HCN2: variants seen among roughly 807,000 people sequenced by gnomAD.
The protein encoded by HCN2 is hyperpolarization activated cyclic nucleotide gated potassium and sodium channel 2, also known as potassium/sodium hyperpolarization-activated cyclic nucleotide-gated channel 2.
A neutral mutation model predicts 52.3 loss-of-function variants in HCN2; 20 were observed. That is an observed-to-expected ratio of 0.38 (90% CI 0.27 to 0.56). HCN2 has a LOEUF of 0.56. Ranked by LOEUF, HCN2 falls within the 20% of genes least tolerant of loss-of-function variation. The pLI is 0.71. For synonymous variants in HCN2, 694 were observed against 537.0 expected, an observed-to-expected ratio of 1.29 and a Z score of -4.04; for missense variants, 981 against 1,207.7, an observed-to-expected ratio of 0.81 and a Z score of 2.78.
intron 5 of HCN2, among the ~76,000 whole-genome samples, chr19:612,070 A>G (rs1221648499): frequency 6.6e-6 from 1 of 152,000 alleles, no homozygotes; most frequent in Non-Finnish European, 1.5e-5. Context: ...GCTTGAACCC[A>G]GGAGGCGGCG....
At chr19:609,418 C>T (rs1202534216) in intron 4 of HCN2, among the ~76,000 whole-genome samples, 1 of 152,220 alleles carries the variant, frequency 6.6e-6, no homozygotes, top group Non-Finnish European at 1.5e-5. Context: ...TGGGGCCTCT[C>T]CTCGTAGAGT....
At chr19:599,805 GAACT>G (rs1983146422) in intron 1 of HCN2, among the ~76,000 whole-genome samples, 1 of 149,488 alleles carries the variant, frequency 6.7e-6, no homozygotes. Context: ...AAAACCTCAA[GAACT>G]AAGAAGGCTG....
chr19:595,326 C>T (rs1393379843), intron 1 of HCN2, among the ~76,000 whole-genome samples: 6 of 151,298 alleles, frequency 4.0e-5, no homozygotes, highest in African/African-American at 9.7e-5. Context: ...GTGCGCTGGC[C>T]GCCTCTCTCC....
At position 589,890 on chromosome 19, in the gene HCN2, TCCGG is replaced by T; in HGVS notation, c.-50_-47del. On this transcript the variant is annotated 5_prime_UTR_variant, in exon 1 of 8. Coordinates refer to ENST00000251287, the MANE Select transcript of HCN2 (RefSeq NM_001194.4). Reference sequence around the variant, plus strand: ...CCCCCGCCTCCCCCCTCCCTCGGGCTCCGGCCGGCGGCGGCGGCGGCGGCTCCGC... The same window carrying T: ...CCCCCGCCTCCCCCCTCCCTCGGGCTCCGGCGGCGGCGGCGGCGGCTCCGC... 4.9e-6 allele frequency: 3 copies of T among 615,864 alleles called. No homozygotes were observed. Among genetic ancestry groups the T allele is most frequent in the South Asian group, 7.6e-5 (1 of 13,194 alleles). 38.1% of individuals were successfully genotyped at this position (615,864 alleles called of 1,614,324 possible). A position where few individuals can be genotyped will look rare whatever the true frequency, so the allele number is the denominator to read the frequency against.
intron 3 of HCN2, among the ~76,000 whole-genome samples, chr19:607,497 C>G (rs541777757): frequency 1.3e-5 from 2 of 152,374 alleles, no homozygotes; most frequent in South Asian, 4.1e-4. Context: ...GCCACCCGCA[C>G]ATGCGGTCCC....
rs368522498 is a variant in HCN2 at position 617,069 on chromosome 19, G to A, written c.*595G>A. 1.2e-3 allele frequency: 671 copies of A among 581,488 alleles called. 1 individual carries two copies. In the African/African-American group the frequency reaches 0.012, roughly 10 times the overall value. 36.0% of individuals were successfully genotyped at this position (581,488 alleles called of 1,614,324 possible). A position where few individuals can be genotyped will look rare whatever the true frequency, so the allele number is the denominator to read the frequency against. On this transcript the variant is annotated 3_prime_UTR_variant, in exon 8 of 8. Coordinates refer to ENST00000251287, the MANE Select transcript of HCN2 (RefSeq NM_001194.4). ...GCCGCCGTGATGAATGTACTGACGA[G>A]CCGAGGCAGCAGTGCCCCCACCGTG... is the stretch of plus-strand genomic sequence containing the variant.
Position 613,032 on chromosome 19 carries a change from C to G in HCN2, c.1585-216C>G, listed in dbSNP as rs1983712552. 2.6e-5 allele frequency among the ~76,000 whole-genome samples: 4 copies of G among 152,220 alleles called. No homozygotes were observed. The South Asian group carries it at 8.3e-4, about 31-fold the overall frequency. On this transcript the variant is annotated intron_variant, in intron 5 of 7. Transcript: ENST00000251287. ...GCCCCTCCTGGTCCGATTGTATTGG[C>G]AGATGTCGCCAATACGGTGTCAAAC...
chr19:616,295 G>GC lies in HCN2; in HGVS notation c.2496dup (p.Gly833ArgfsTer?). ...CTCGCAGCCCTCGCTGCCTCACGGC[G>GC]CCCCCGGCCCCGCGGCCTCCACACG... is the stretch of plus-strand genomic sequence containing the variant. On this transcript the variant is annotated frameshift_variant, in exon 8 of 8. Transcript: ENST00000251287. LOFTEE classifies it low-confidence loss of function (END_TRUNC). 4 of 1,085,044 alleles carry GC rather than the reference G, an allele frequency of 3.7e-6. No individual in the cohort carries two copies. The highest frequency in any genetic ancestry group is 7.8e-5 in the East Asian group (1 of 12,804). 67.2% of individuals were successfully genotyped at this position (1,085,044 alleles called of 1,614,324 possible). A position where few individuals can be genotyped will look rare whatever the true frequency, so the allele number is the denominator to read the frequency against.
chr19:612,729 TTTTC>T, intron 5 of HCN2, among the ~76,000 whole-genome samples: 1 of 121,794 alleles, frequency 8.2e-6, no homozygotes. Context: ...TTTTCCCCCA[TTTTC>T]TTTTTTTTTT....
In HCN2 at chr19:613,403, G is replaced by A; in HGVS notation, c.1740G>A (p.Lys580=). The change falls in exon 6 of 8, where the codon AAG becomes AAA. Residue 580 remains lysine, a synonymous_variant. Transcript: ENST00000251287. ...TCCGCGAAGGCACCATCGGGAAGAA[G>A]ATGTACTTCATCCAGCACGGCGTGG... The part of the protein sequence containing the change: ...YIIREGTIGK[K]MYFIQHGVVS... 3 of 1,612,750 alleles carry A rather than the reference G, an allele frequency of 1.9e-6. No homozygotes were observed. The highest frequency in any genetic ancestry group is 1.1e-5 in the South Asian group (1 of 91,038).
At chr19:612,144 CAA>C (rs911099931) in intron 5 of HCN2, among the ~76,000 whole-genome samples, 3 of 135,698 alleles carry the variant, frequency 2.2e-5, no homozygotes, top group Admixed American at 7.5e-5. Flanking sequence ...GACTCCGTCT[CAA>C]AAAAAAAAAA....
intron 7 of HCN2, among the ~76,000 whole-genome samples, chr19:614,690 G>T (rs568605993): frequency 6.6e-6 from 1 of 152,078 alleles, no homozygotes; most frequent in Non-Finnish European, 1.5e-5. Flanking sequence ...GGCAGGGAGA[G>T]TTTAGACTAA....
At position 613,943 on chromosome 19, in the gene HCN2, C is replaced by T. The variant is rs142446533; in HGVS notation, c.1917C>T (p.Asn639=). The change falls in exon 7 of 8, where the codon AAC becomes AAT. Residue 639 remains asparagine (N), a synonymous_variant. Coordinates refer to ENST00000251287, the MANE Select transcript of HCN2 (RefSeq NM_001194.4). ...ATTCGCTGAGCGTGGACAACTTCAA[C>T]GAGGTGCTGGAGGAGTACCCCATGA... ...RLYSLSVDNF[N]EVLEEYPMMR... 41 of 1,558,302 alleles carry T rather than the reference C, an allele frequency of 2.6e-5. No homozygotes were observed. Among genetic ancestry groups the T allele is most frequent in the African/African-American group, 6.1e-5 (4 of 65,566 alleles).
chr19:609,144 A>C lies in HCN2; in HGVS notation c.1437+962A>C, dbSNP rs541518340. Reference sequence around the variant, plus strand: ...CTGCTGTCCGGAAGCCACGGGCCTCACACCCAAACATAAGCTGGTGCCACC... The same window carrying C: ...CTGCTGTCCGGAAGCCACGGGCCTCCCACCCAAACATAAGCTGGTGCCACC... On this transcript the variant is annotated intron_variant, in intron 4 of 7. Transcript: ENST00000251287. 3.0e-4 allele frequency among the ~76,000 whole-genome samples: 46 copies of C among 152,260 alleles called. 1 individual carries two copies. The South Asian group carries it at 9.5e-3, about 32-fold the overall frequency.
Position 615,932 on chromosome 19 carries a change from C to T in HCN2, c.2128C>T (p.Arg710Cys), listed in dbSNP as rs1185477557. 5 of 1,610,760 alleles carry T rather than the reference C, an allele frequency of 3.1e-6. No individual in the cohort carries two copies. In the African/African-American group the frequency reaches 5.3e-5, roughly 17 times the overall value. The change falls in exon 8 of 8, where the codon CGC (arginine) becomes TGC (cysteine). Residue 710 changes from arginine (R) to cysteine (C), a missense_variant. Arg to Cys is a radical substitution (Grantham distance 180). Coordinates refer to ENST00000251287, the MANE Select transcript of HCN2 (RefSeq NM_001194.4). ...EMVQQAELGQ[R>C]VGLFPPPPPP... ...GGTGCAGCAGGCCGAGCTGGGTCAG[C>T]GCGTGGGCCTCTTCCCGCCGCCGCC...
At chr19:603,134 GGT>G (rs1983268562) in intron 1 of HCN2, among the ~76,000 whole-genome samples, 2 of 143,728 alleles carry the variant, frequency 1.4e-5, no homozygotes, top group African/African-American at 2.5e-5. Context: ...TTGAGGTGTG[GGT>G]GCCCCTCGTC....
intron 1 of HCN2, among the ~76,000 whole-genome samples, chr19:598,065 C>T (rs560863719): frequency 2.0e-5 from 3 of 152,276 alleles, no homozygotes; most frequent in South Asian, 2.1e-4. Context: ...CTGAGCTCCA[C>T]GGTGAGCCCC....
At position 601,128 on chromosome 19, in the gene HCN2, C is replaced by T. The variant is rs555176787; in HGVS notation, c.633-2416C>T. On this transcript the variant is annotated intron_variant, in intron 1 of 7. Transcript: ENST00000251287. ...AGGGTTTCGAGACCAGCCTGACCAA[C>T]ATGGTGAAACCCTGTCTCTACTAAA... 3.3e-5 allele frequency among the ~76,000 whole-genome samples: 5 copies of T among 152,310 alleles called. No homozygotes were observed. The South Asian group carries it at 1.0e-3, about 32-fold the overall frequency.
At chr19:606,109 T>A (rs528107111) in intron 3 of HCN2, among the ~76,000 whole-genome samples, 3 of 151,486 alleles carry the variant, frequency 2.0e-5, no homozygotes, top group Non-Finnish European at 4.4e-5. Context: ...TATTTACTTA[T>A]TTTTTTTTGA....
Sources: allele counts gnomAD v4.1 joint callset (sites outside exome capture counted in the v4.1 genomes callset), GRCh38; gene constraint gnomAD v4.1.1; transcripts MANE v1.5; gene names NCBI Gene and HGNC (gene_info 2026-07-23, HGNC 2026-07-21).